TEX26: variants seen among roughly 807,000 people sequenced by gnomAD.
The protein encoded by TEX26 is testis expressed 26, also known as testis-expressed protein 26.
In TEX26, 34 loss-of-function variants were observed where a neutral mutation model predicts 35.3. The observed-to-expected ratio is 0.96, with a 90% CI of 0.73 to 1.28. The LOEUF (loss-of-function observed/expected upper bound fraction) is 1.28, where lower values mean the gene tolerates loss of function less well. Among genes scored for constraint, TEX26 ranks in the 50% most tolerant of loss-of-function variants. TEX26 has a pLI of 0.00. For missense variants in TEX26, 371 were observed against 330.1 expected (o/e 1.12, Z -0.96); for synonymous variants, 136 against 111.8 (o/e 1.22, Z -1.36).
chr13:30,934,559 T>A (rs189785163), intron 1 of TEX26, among the ~76,000 whole-genome samples: 2 of 152,306 alleles, frequency 1.3e-5, no homozygotes, highest in East Asian at 3.9e-4. Flanking sequence ...GCACTCCCTC[T>A]ACAGGCCCTA....
chr13:30,951,652 G>C (rs959980240), intron 2 of TEX26, among the ~76,000 whole-genome samples: 1 of 152,136 alleles, frequency 6.6e-6, no homozygotes, highest in Non-Finnish European at 1.5e-5. Context: ...CTTCCCACTA[G>C]AGTATGTGGA....
chr13:30,946,118 T>A (rs1052172950), intron 2 of TEX26, among the ~76,000 whole-genome samples: 1 of 151,930 alleles, frequency 6.6e-6, no homozygotes, highest in Non-Finnish European at 1.5e-5. Context: ...TTCTACATAA[T>A]CCCATATTTC....
chr13:30,945,390 A>T (rs1566145392), intron 2 of TEX26, among the ~76,000 whole-genome samples: 1 of 150,468 alleles, frequency 6.6e-6, no homozygotes, highest in African/African-American at 2.4e-5. Context: ...TGGTTTGTGG[A>T]TTTTTTTTTA....
intron 6 of TEX26, 80 bp from the exon 7 acceptor site, chr13:30,974,766 C>G: frequency 9.3e-5 from 123 of 1,316,532 alleles, no homozygotes; most frequent in Non-Finnish European, 1.2e-4. Context: ...CAGATATTTT[C>G]TTCCTTCATA....
At chr13:30,954,674 T>C (rs190890905) in intron 3 of TEX26, among the ~76,000 whole-genome samples, 32 of 152,172 alleles carry the variant, frequency 2.1e-4, no homozygotes, top group African/African-American at 7.0e-4. Flanking sequence ...CCCAGGCTGG[T>C]CTCAAACTCC....
chr13:30,957,254 G>A (rs1475244736), intron 4 of TEX26, among the ~76,000 whole-genome samples: 1 of 152,144 alleles, frequency 6.6e-6, no homozygotes, highest in Non-Finnish European at 1.5e-5. Flanking sequence ...GTGGGATAGG[G>A]GGTCAGGAAA....
intron 1 of TEX26, among the ~76,000 whole-genome samples, chr13:30,939,090 C>G (rs1328268618): frequency 3.3e-5 from 5 of 152,226 alleles, no homozygotes; most frequent in African/African-American, 1.2e-4. Context: ...TATGAGCCCA[C>G]TTTTGTGAAA....
intron 1 of TEX26, chr13:30,933,023 C>A: frequency 4.7e-6 from 2 of 421,612 alleles, no homozygotes; most frequent in South Asian, 7.0e-5. Context: ...TTTAAACACT[C>A]GAGGAAGTGC....
intron 6 of TEX26, among the ~76,000 whole-genome samples, chr13:30,972,437 A>G (rs947629709): frequency 1.3e-5 from 2 of 151,612 alleles, no homozygotes; most frequent in African/African-American, 4.9e-5. Flanking sequence ...CTGGTATCAG[A>G]AGAAAGGATT....
At chr13:30,943,960 C>A (rs1383266988) in intron 2 of TEX26, among the ~76,000 whole-genome samples, 1 of 151,986 alleles carries the variant, frequency 6.6e-6, no homozygotes, top group Non-Finnish European at 1.5e-5. Context: ...CAGAGTGTTA[C>A]TGGCTTCATA....
chr13:30,943,270 T>C (rs1415374429), intron 2 of TEX26, among the ~76,000 whole-genome samples: 1 of 152,116 alleles, frequency 6.6e-6, no homozygotes, highest in Non-Finnish European at 1.5e-5. Context: ...GTACAACGGA[T>C]TGAGTTATTG....
intron 1 of TEX26, among the ~76,000 whole-genome samples, chr13:30,935,745 T>C (rs1953251442): frequency 6.6e-6 from 1 of 152,226 alleles, no homozygotes; most frequent in African/African-American, 2.4e-5. Flanking sequence ...ATGACCTGCC[T>C]ACAGAGAGAA....
chr13:30,964,725 C>A (rs767467565), intron 4 of TEX26, among the ~76,000 whole-genome samples: 3 of 152,170 alleles, frequency 2.0e-5, no homozygotes, highest in Non-Finnish European at 2.9e-5. Context: ...AGTACTGGCA[C>A]CTTGCAAGAG....
At chr13:30,951,553 A>G (rs1052825852) in intron 2 of TEX26, among the ~76,000 whole-genome samples, 1 of 152,116 alleles carries the variant, frequency 6.6e-6, no homozygotes, top group Admixed American at 6.5e-5. Context: ...TTAAACATAC[A>G]CAAAGGAACA....
chr13:30,958,524 C>T (rs1464359743), intron 4 of TEX26, among the ~76,000 whole-genome samples: 1 of 152,140 alleles, frequency 6.6e-6, no homozygotes, highest in African/African-American at 2.4e-5. Context: ...GGGCTCTGAA[C>T]ACAAGCCAGG....
intron 2 of TEX26, among the ~76,000 whole-genome samples, chr13:30,951,616 A>ACTGTT (rs1953924875): frequency 6.6e-6 from 1 of 152,204 alleles, no homozygotes; most frequent in African/African-American, 2.4e-5. Context: ...CTCGTTAGAT[A>ACTGTT]CTGTTATCTG....
At chr13:30,940,546 G>A (rs921797349) in intron 2 of TEX26, among the ~76,000 whole-genome samples, 1 of 151,790 alleles carries the variant, frequency 6.6e-6, no homozygotes, top group African/African-American at 2.4e-5. Flanking sequence ...TGTTAGCCAG[G>A]ACGGTCTTGA....
At chr13:30,943,537 G>A (rs1953592308) in intron 2 of TEX26, among the ~76,000 whole-genome samples, 1 of 152,078 alleles carries the variant, frequency 6.6e-6, no homozygotes, top group South Asian at 2.1e-4. Context: ...TCCTTTTCTT[G>A]TTCCAGGCCT....
intron 4 of TEX26, among the ~76,000 whole-genome samples, chr13:30,963,434 G>C (rs920615110): frequency 6.6e-6 from 1 of 152,114 alleles, no homozygotes; most frequent in African/African-American, 2.4e-5. Context: ...TCCAAATAAC[G>C]CATGAAGCTC....
Sources: gnomAD v4.1 joint callset for allele counts (sites outside exome capture counted in the v4.1 genomes callset) on GRCh38, gnomAD v4.1.1 for gene constraint, MANE v1.5 for transcripts, NCBI Gene and HGNC (gene_info 2026-07-23, HGNC 2026-07-21) for gene names.